The following GPC3 variants were observed in gnomAD, a reference collection of about 807,000 sequenced individuals.
GPC3 encodes glypican-3.
In GPC3, 3 loss-of-function variants were observed where a neutral mutation model predicts 34.4. That is an observed-to-expected ratio of 0.09 (90% CI 0.04 to 0.23). GPC3 has a LOEUF of 0.23. GPC3 is among the 10% of genes least tolerant of loss of function. GPC3 has a pLI of 1.00. For missense variants in GPC3, 351 were observed against 445.6 expected (o/e 0.79, Z 1.91); for synonymous variants, 177 against 174.0 (o/e 1.02, Z -0.13).
intron 3 of GPC3, among the ~76,000 whole-genome samples, chrX:133,712,976 C>T (rs978001883): frequency 2.7e-5 from 3 of 112,346 alleles, no homozygotes; most frequent in African/African-American, 9.7e-5. Flanking sequence ...TCATGCCACT[C>T]TCCAATGATG....
rs140193055 is a variant in GPC3 at position 133,647,079 on chromosome X, C to T, written c.1413+14651G>A. 9.0e-3 allele frequency among the ~76,000 whole-genome samples: 1,005 copies of T among 111,639 alleles called. 15 individuals carry two copies. The highest frequency in any genetic ancestry group is 0.03 in the African/African-American group (908 of 30,759). On this transcript the variant is annotated intron_variant, in intron 6 of 7. Coordinates refer to ENST00000370818, the MANE Select transcript of GPC3 (RefSeq NM_004484.4). Reference sequence around the variant, plus strand: ...TAACATTTTGTAACTTTTTTGATGGCGAAAAGAATCCCCCTACTTTCTTGC... The same window carrying T: ...TAACATTTTGTAACTTTTTTGATGGTGAAAAGAATCCCCCTACTTTCTTGC...
At chrX:133,726,578 C>G (rs985055535) in intron 3 of GPC3, among the ~76,000 whole-genome samples, 15 of 111,024 alleles carry the variant, frequency 1.4e-4, no homozygotes, top group African/African-American at 4.9e-4. Context: ...CTCTCTCAAC[C>G]TCTTCTTATG....
intron 1 of GPC3, among the ~76,000 whole-genome samples, chrX:133,958,709 G>GAA (rs1196601371): frequency 3.7e-4 from 21 of 56,667 alleles, no homozygotes; most frequent in African/African-American, 8.5e-4. Context: ...CATCTCTACT[G>GAA]AAAAAAAAAA....
At chrX:133,607,422 AT>A (rs11296907) in intron 6 of GPC3, among the ~76,000 whole-genome samples, 8,272 of 108,082 alleles carry the variant, frequency 0.077, 803 homozygotes, top group African/African-American at 0.26. Context: ...TTATTCACTG[AT>A]TTTTTTTTTC....
chrX:133,580,657 A>T (rs1175849821), intron 7 of GPC3, among the ~76,000 whole-genome samples: 1 of 112,282 alleles, frequency 8.9e-6, no homozygotes, highest in Non-Finnish European at 1.9e-5. Context: ...CCTTTTCATT[A>T]TCAATTTAGT....
At position 133,697,398 on chromosome X, in the gene GPC3, CAT is replaced by C. The variant is rs762254418; in HGVS notation, c.1166+2495_1166+2496del. 9.9e-5 allele frequency among the ~76,000 whole-genome samples: 11 copies of C among 111,581 alleles called. No individual in the cohort carries two copies. In the East Asian group the frequency reaches 3.1e-3, roughly 32 times the overall value. The stretch of plus-strand genomic sequence containing the variant: ...CTAAAGACTTGCCCATACTTTTTCT[CAT>C]AGTGTTCCCTTTGCCCAGAACGCCC... On this transcript the variant is annotated intron_variant, in intron 4 of 7. Transcript: ENST00000370818.
At chrX:133,724,056 C>A (rs1328183397) in intron 3 of GPC3, among the ~76,000 whole-genome samples, 1 of 111,988 alleles carries the variant, frequency 8.9e-6, no homozygotes, top group Non-Finnish European at 1.9e-5. Flanking sequence ...GTCCACATTA[C>A]GTTATCACAT....
intron 5 of GPC3, among the ~76,000 whole-genome samples, chrX:133,667,932 C>T (rs1753340148): frequency 1.9e-5 from 2 of 107,045 alleles, no homozygotes; most frequent in Non-Finnish European, 3.9e-5. Context: ...GATGGAGTCT[C>T]GCTCTGTTGC....
intron 4 of GPC3, among the ~76,000 whole-genome samples, chrX:133,695,456 A>G (rs2071106947): frequency 8.9e-6 from 1 of 112,169 alleles, no homozygotes; most frequent in Non-Finnish European, 1.9e-5. Flanking sequence ...GCCCCTAAAA[A>G]GAAAGGGTAG....
chrX:133,887,785 G>T (rs1050633372), intron 2 of GPC3, among the ~76,000 whole-genome samples: 1 of 111,569 alleles, frequency 9.0e-6, no homozygotes, highest in Non-Finnish European at 1.9e-5. Flanking sequence ...TTGTTGATTG[G>T]TTCCTCTTTC....
chrX:133,949,221 A>C (rs1433309315), intron 2 of GPC3, among the ~76,000 whole-genome samples: 1 of 112,449 alleles, frequency 8.9e-6, no homozygotes, highest in Admixed American at 9.4e-5. Flanking sequence ...TTAGCCATTT[A>C]AAATGGAAAT....
chrX:133,590,480 C>T (rs772364964), intron 7 of GPC3, among the ~76,000 whole-genome samples: 1 of 111,032 alleles, frequency 9.0e-6, no homozygotes, highest in East Asian at 2.8e-4. Flanking sequence ...TCTAAGGATT[C>T]TATGTAAAAT....
intron 6 of GPC3, among the ~76,000 whole-genome samples, chrX:133,639,582 G>A (rs910650726): frequency 8.9e-6 from 1 of 111,952 alleles, no homozygotes; most frequent in African/African-American, 3.2e-5. Flanking sequence ...AACACAGAAT[G>A]TCTGTGTCAG....
chrX:133,666,706 T>C (rs1449647260), intron 5 of GPC3, among the ~76,000 whole-genome samples: 4 of 112,308 alleles, frequency 3.6e-5, no homozygotes, highest in Non-Finnish European at 5.6e-5. Context: ...TATGAGCACA[T>C]TAATAGGGCA....
At chrX:133,748,545 T>C (rs928289364) in intron 3 of GPC3, among the ~76,000 whole-genome samples, 9 of 111,013 alleles carry the variant, frequency 8.1e-5, no homozygotes, top group Non-Finnish European at 1.3e-4. Flanking sequence ...AAATCTTCTC[T>C]TTCCCCCTCC....
At position 133,594,743 on chromosome X, in the gene GPC3, A is replaced by G. The variant is rs142484389; in HGVS notation, c.1573+1697T>C. Reference sequence around the variant, plus strand: ...AATAAGGAGTTGCTGTTCAATGGACATAGAGTTTTAGGCACACAAGATGAA... The same window carrying G: ...AATAAGGAGTTGCTGTTCAATGGACGTAGAGTTTTAGGCACACAAGATGAA... On this transcript the variant is annotated intron_variant, in intron 7 of 7. Transcript: ENST00000370818. Among the ~76,000 whole-genome samples the G allele has an allele frequency of 1.3e-4, 14 of 111,470 alleles. No individual in the cohort carries two copies. The East Asian group carries it at 3.9e-3, about 31-fold the overall frequency.
chrX:133,637,654 T>A (rs1848780820), intron 6 of GPC3, among the ~76,000 whole-genome samples: 1 of 110,987 alleles, frequency 9.0e-6, no homozygotes, highest in Admixed American at 9.6e-5. Context: ...TAAAATAAAA[T>A]TTTTTTAGAG....
chrX:133,885,898 C>T (rs188000905), intron 2 of GPC3, among the ~76,000 whole-genome samples: 58 of 111,112 alleles, frequency 5.2e-4, no homozygotes, highest in African/African-American at 1.8e-3. Context: ...GCAATTTTAA[C>T]AATCCATTTT....
At chrX:133,896,375 A>G (rs2076113477) in intron 2 of GPC3, among the ~76,000 whole-genome samples, 1 of 109,913 alleles carries the variant, frequency 9.1e-6, no homozygotes, top group Non-Finnish European at 1.9e-5. Flanking sequence ...AAAAAAAAAA[A>G]AAGAAAGAAA....
Sources: gnomAD v4.1 joint callset for allele counts (sites outside exome capture counted in the v4.1 genomes callset) on GRCh38, gnomAD v4.1.1 for gene constraint, MANE v1.5 for transcripts, NCBI Gene and HGNC (gene_info 2026-07-23, HGNC 2026-07-21) for gene names.